NEB: variants seen among roughly 807,000 people sequenced by gnomAD.
NEB encodes nemaline myopathy type 2.
NEB carries 512 observed loss-of-function variants against 952.2 expected under a neutral mutation model. The ratio of observed to expected loss-of-function variants is 0.54; its 90% CI spans 0.50 to 0.58. NEB has a LOEUF of 0.58. NEB is among the 20% of genes least tolerant of loss of function. The probability of loss-of-function intolerance (pLI) is 0.00; values close to 1 mark genes in which losing one functional copy is unlikely to be tolerated. For synonymous variants in NEB, 2,900 were observed against 3,149.8 expected, an observed-to-expected ratio of 0.92 and a Z score of 2.66; for missense variants, 8,428 against 9,231.1, an observed-to-expected ratio of 0.91 and a Z score of 3.56.
chr2:151,490,736 A>C (rs2055807146), intron 179 of NEB, among the ~76,000 whole-genome samples: 1 of 152,204 alleles, frequency 6.6e-6, no homozygotes, highest in Non-Finnish European at 1.5e-5. Context: ...TGGAACAGTT[A>C]AGTTGTACAG....
At chr2:151,670,870 G>T (rs550078964) in intron 38 of NEB, among the ~76,000 whole-genome samples, 153 bp downstream of exon 38, 1 of 152,246 alleles carries the variant, frequency 6.6e-6, no homozygotes, top group South Asian at 2.1e-4. Flanking sequence ...GATCCCAGTT[G>T]CCTCAAAAGG....
intron 60 of NEB, among the ~76,000 whole-genome samples, chr2:151,641,631 T>C (rs1207203977): frequency 6.6e-6 from 1 of 152,216 alleles, no homozygotes; most frequent in Admixed American, 6.5e-5. Context: ...GTGCCTGACC[T>C]ATACACATGA....
At position 151,576,233 on chromosome 2, in the gene NEB, G is replaced by A. The variant is rs776721159; in HGVS notation, c.16826C>T (p.Pro5609Leu). 1.2e-6 allele frequency: 2 copies of A among 1,611,550 alleles called. No individual in the cohort carries two copies. The highest frequency in any genetic ancestry group is 1.7e-6 in the Non-Finnish European group (2 of 1,178,254). ...NIFCDSVYRT[P>L]VVNLKYTSIV... The stretch of plus-strand genomic sequence containing the variant: ...GCTTGTGTACTTAAGGTTCACCACA[G>A]GCGTCCGATAGACACTGTCACAAAA... The change falls in exon 106 of 182, where the codon CCT becomes CTT. Residue 5609 changes from proline to leucine, a missense_variant. By Grantham distance (98) the Pro-to-Leu change is moderately conservative. Transcript: ENST00000397345.
intron 77 of NEB, 114 bp from the exon 78 acceptor site, chr2:151,612,503 T>C: frequency 1.9e-6 from 2 of 1,068,576 alleles, no homozygotes; most frequent in Non-Finnish European, 2.7e-6. Flanking sequence ...TGTGTAAATT[T>C]CTGGGAAGAC....
At chr2:151,676,150 A>G (rs1279842787) in intron 34 of NEB, among the ~76,000 whole-genome samples, 2 of 152,372 alleles carry the variant, frequency 1.3e-5, no homozygotes, top group Admixed American at 6.5e-5. Flanking sequence ...ACTGGTATGC[A>G]TGTACCCAAG....
intron 117 of NEB, 104 bp from the exon 118 acceptor site, chr2:151,564,034 A>C: frequency 1.2e-6 from 1 of 823,892 alleles, no homozygotes; most frequent in East Asian, 2.7e-5. Context: ...GTTCAAGGCA[A>C]GGCTGAAATC....
In NEB at chr2:151,497,730, G is replaced by GAAAGC; in HGVS notation, c.24208-17_24208-13dup. ...TCTTTGTATAACACCTGTGCGATAA[G>GAAAGC]AAAGCATCCAGAAAAACAACCATGA... On this transcript the variant is annotated splice_polypyrimidine_tract_variant and intron_variant, in intron 170 of 181. Coordinates refer to ENST00000397345, the MANE Select transcript of NEB (RefSeq NM_001164508.2). 6.4e-7 allele frequency: 1 copy of GAAAGC among 1,564,904 alleles called. No individual in the cohort carries two copies. The highest frequency in any genetic ancestry group is 8.7e-7 in the Non-Finnish European group (1 of 1,153,318).
chr2:151,690,460 G>A (rs1046671385), intron 24 of NEB: 1 of 347,492 alleles, frequency 2.9e-6, no homozygotes, highest in African/African-American at 2.1e-5. Context: ...TAGTGTGCAT[G>A]TGACAGATCC....
rs1323192442 is a variant in NEB, at chr2:151,625,632, A to G, written c.10354T>C (p.Tyr3452His). ...NNALNMNKRL[Y>H]TEAWDKDKTQ... Reference sequence around the variant, plus strand: ...TTGTCTTTGTCCCAGGCTTCTGTGTATAAGCGCTGTGAAGGATAAAAAGGT... The same window carrying G: ...TTGTCTTTGTCCCAGGCTTCTGTGTGTAAGCGCTGTGAAGGATAAAAAGGT... Residue 3452 changes from tyrosine to histidine, a missense_variant, in exon 71 of 182, where the codon TAC (tyrosine) becomes CAC (histidine). By Grantham distance (83) the Tyr-to-His change is moderately conservative. Around this residue, in one of 11 missense-constraint regions of NEB, gnomAD observed 1,772 missense variants for 1,960.3 expected, o/e 0.90. Coordinates refer to ENST00000397345, the MANE Select transcript of NEB (RefSeq NM_001164508.2). 2.5e-6 allele frequency: 4 copies of G among 1,597,682 alleles called. No individual in the cohort carries two copies. The highest frequency in any genetic ancestry group is 1.1e-5 in the South Asian group (1 of 88,584).
intron 162 of NEB, chr2:151,507,771 T>C (rs1374399673): frequency 2.1e-6 from 1 of 481,736 alleles, no homozygotes; most frequent in African/African-American, 1.9e-5. Flanking sequence ...GAAAAGATAC[T>C]ATATTTTCTC....
chr2:151,525,900 C>G (rs1186543202), intron 150 of NEB, 58 bp downstream of exon 150: 17 of 1,329,292 alleles, frequency 1.3e-5, no homozygotes, highest in Non-Finnish European at 1.6e-5. Flanking sequence ...ATTATTTCAC[C>G]AGATTCTACA....
At chr2:151,695,404 A>G (rs2099589005) in intron 18 of NEB, among the ~76,000 whole-genome samples, 174 bp downstream of exon 18, 1 of 152,234 alleles carries the variant, frequency 6.6e-6, no homozygotes, top group Non-Finnish European at 1.5e-5. Flanking sequence ...ATTGCTACAC[A>G]TATTTTGTAA....
intron 178 of NEB, 89 bp from the exon 179 acceptor site, chr2:151,491,864 G>T (rs2056869053): frequency 2.7e-6 from 3 of 1,116,444 alleles, no homozygotes; most frequent in Non-Finnish European, 3.9e-6. Context: ...AACCACCAAA[G>T]GATTGAATCA....
chr2:151,493,470 G>A (rs768202865), intron 175 of NEB, 25 bp from the exon 176 acceptor site: 4 of 1,476,302 alleles, frequency 2.7e-6, no homozygotes, highest in Non-Finnish European at 3.7e-6. Flanking sequence ...AGAGCATCTA[G>A]GCATCAGACA....
intron 5 of NEB, among the ~76,000 whole-genome samples, chr2:151,727,159 C>T (rs940920418): frequency 3.9e-5 from 6 of 152,022 alleles, no homozygotes; most frequent in African/African-American, 1.5e-4. Flanking sequence ...TTCCAGTGTG[C>T]AGCCATGGTT....
chr2:151,552,846 G>A, intron 127 of NEB, 70 bp from the exon 128 acceptor site: 1 of 1,120,466 alleles, frequency 8.9e-7, no homozygotes. Flanking sequence ...TTTTCACAGA[G>A]GGTTTGGTTG....
intron 181 of NEB, chr2:151,486,202 C>T: frequency 2.9e-6 from 1 of 346,332 alleles, no homozygotes; most frequent in Non-Finnish European, 5.3e-6. Context: ...TATGAATAGA[C>T]ATTTCTCCAA....
intron 28 of NEB, among the ~76,000 whole-genome samples, chr2:151,683,596 A>G (rs1213690852): frequency 1.3e-5 from 2 of 152,220 alleles, no homozygotes; most frequent in African/African-American, 2.4e-5. Context: ...ACAATGTATA[A>G]TATAGAATTG....
At chr2:151,626,774 T>C (rs1162548792) in intron 70 of NEB, among the ~76,000 whole-genome samples, 17 of 152,200 alleles carry the variant, frequency 1.1e-4, no homozygotes, top group Non-Finnish European at 2.2e-4. Context: ...TCCGCCTGCC[T>C]TGGCCTCCCA....
Sources: allele counts gnomAD v4.1 joint callset (sites outside exome capture counted in the v4.1 genomes callset), GRCh38; gene constraint gnomAD v4.1.1; regional missense constraint gnomAD v4.1.1; transcripts MANE v1.5; gene names NCBI Gene and HGNC (gene_info 2026-07-23, HGNC 2026-07-21).